The following CDC16 variants were observed in gnomAD, a reference collection of about 807,000 sequenced individuals.
CDC16 encodes the protein cell division cycle 16.
A neutral mutation model predicts 87.0 loss-of-function variants in CDC16; 34 were observed. The ratio of observed to expected loss-of-function variants is 0.39; its 90% CI spans 0.30 to 0.52. The LOEUF is 0.52. CDC16 is among the 20% of genes least tolerant of loss of function. CDC16 has a pLI of 0.74. For synonymous variants in CDC16, 263 were observed against 260.6 expected (o/e 1.01, Z -0.09); for missense variants, 653 against 751.9 (o/e 0.87, Z 1.54).
At chr13:114,246,833 A>G in intron 10 of CDC16, 98 bp from the exon 11 acceptor site, 3 of 772,084 alleles carry the variant, frequency 3.9e-6, no homozygotes, top group Admixed American at 1.9e-5. Flanking sequence ...TGTGATAAGG[A>G]ACATGTAGTA....
chr13:114,251,112 A>G (rs1274552004), intron 12 of CDC16, among the ~76,000 whole-genome samples: 1 of 152,182 alleles, frequency 6.6e-6, no homozygotes, highest in Non-Finnish European at 1.5e-5. Flanking sequence ...TGTTACTTTG[A>G]GGAGTAGAGT....
In CDC16 at chr13:114,239,606, A is replaced by G. The variant is rs554868461; in HGVS notation, c.381+116A>G. 3.9e-5 allele frequency: 49 copies of G among 1,265,140 alleles called. No individual in the cohort carries two copies. In the East Asian group the frequency reaches 1.2e-3, roughly 32 times the overall value. The allele number at this position is 1,265,140 out of a possible 1,614,324, so 78.4% of individuals were successfully genotyped here. On this transcript the variant is annotated intron_variant, in intron 5 of 17. Coordinates refer to ENST00000356221, the MANE Select transcript of CDC16 (RefSeq NM_001078645.3). Reference sequence around the variant, plus strand: ...TATATTAAAACAATTGTGGTTGCCAATTTATTTAATTTGCCCACCAAAACC... The same window carrying G: ...TATATTAAAACAATTGTGGTTGCCAGTTTATTTAATTTGCCCACCAAAACC...
chr13:114,258,879 C>G (rs2082667205), intron 13 of CDC16, among the ~76,000 whole-genome samples: 1 of 152,054 alleles, frequency 6.6e-6, no homozygotes, highest in South Asian at 2.1e-4. Flanking sequence ...GGGCATATTG[C>G]TTGAGGCCAG....
At chr13:114,267,754 A>G (rs2083329534) in intron 17 of CDC16, among the ~76,000 whole-genome samples, 1 of 145,550 alleles carries the variant, frequency 6.9e-6, no homozygotes. Flanking sequence ...AGAGGGCTCA[A>G]CACTGCCTTT....
At chr13:114,272,123 C>G in intron 17 of CDC16, 61 bp from the exon 18 acceptor site, 2 of 952,172 alleles carry the variant, frequency 2.1e-6, no homozygotes, top group Non-Finnish European at 1.6e-6. Context: ...TGTTATATAA[C>G]AATAGAAATG....
At chr13:114,258,267 A>G (rs1425516075) in intron 13 of CDC16, among the ~76,000 whole-genome samples, 10 of 152,204 alleles carry the variant, frequency 6.6e-5, no homozygotes, top group Admixed American at 4.6e-4. Context: ...GTAACCGCCA[A>G]ATCAGTTCCT....
rs769483948 is a variant in CDC16 at position 114,257,096 on chromosome 13, G to A, written c.1116G>A (p.Leu372=). ...TTTTTAGGTGTCATTTGCCTATGCT[G>A]TATATTGGATTAGAATATGGTTTGA... ...QLMKGCHLPM[L]YIGLEYGLTN... The change falls in exon 13 of 18, where the codon CTG becomes CTA. Residue 372 remains leucine (L), a synonymous_variant. Transcript: ENST00000356221. 52 of 1,602,256 alleles carry A rather than the reference G, an allele frequency of 3.2e-5. No individual in the cohort carries two copies. Among genetic ancestry groups the A allele is most frequent in the Admixed American group, 3.0e-4 (18 of 59,204 alleles).
At chr13:114,262,737 T>TAA in intron 15 of CDC16, 142 bp from the exon 16 acceptor site, 1 of 765,286 alleles carries the variant, frequency 1.3e-6, no homozygotes, top group Non-Finnish European at 2.2e-6. Flanking sequence ...TGCATGAGAG[T>TAA]AGGTGTGGAG....
chr13:114,261,452 G>T (rs1364341158), intron 14 of CDC16, among the ~76,000 whole-genome samples: 1 of 152,024 alleles, frequency 6.6e-6, no homozygotes, highest in Non-Finnish European at 1.5e-5. Context: ...GGGGGTGGGG[G>T]TGCCATTCAC....
intron 11 of CDC16, chr13:114,247,268 A>T: frequency 2.5e-6 from 1 of 400,288 alleles, no homozygotes; most frequent in Non-Finnish European, 4.5e-6. Flanking sequence ...AACTCAAATG[A>T]TCCTCTTGCT....
At position 114,236,694 on chromosome 13, in the gene CDC16, C is replaced by G; in HGVS notation, c.98C>G (p.Ser33Cys). Residue 33 changes from serine to cysteine, a missense_variant, in exon 2 of 18, where the codon TCT becomes TGT. Transcript: ENST00000356221. ...TGGGCAGATAAAGTAGCTTCACTCTCTCGTGGTAAGTGACAAAATGCTAAC... is the reference window on the plus strand; with the variant it reads ...TGGGCAGATAAAGTAGCTTCACTCTGTCGTGGTAAGTGACAAAATGCTAAC... ...LFWADKVASL[S>C]REEPQDIYWL... 6.2e-7 allele frequency: 1 copy of G among 1,613,362 alleles called. No individual in the cohort carries two copies. The highest frequency in any genetic ancestry group is 8.5e-7 in the Non-Finnish European group (1 of 1,179,936).
intron 17 of CDC16, among the ~76,000 whole-genome samples, chr13:114,270,867 A>G (rs2083577710): frequency 6.7e-6 from 1 of 149,870 alleles, no homozygotes; most frequent in Non-Finnish European, 1.5e-5. Context: ...TAGAGAGTTG[A>G]TAATGAGTCA....
intron 3 of CDC16, among the ~76,000 whole-genome samples, chr13:114,238,476 A>G (rs1000568434): frequency 6.7e-6 from 1 of 150,340 alleles, no homozygotes; most frequent in Non-Finnish European, 1.5e-5. Flanking sequence ...GACGCCCAGC[A>G]GTTATTCACA....
At chr13:114,252,110 G>A (rs960554549) in intron 12 of CDC16, among the ~76,000 whole-genome samples, 3 of 149,062 alleles carry the variant, frequency 2.0e-5, no homozygotes, top group Non-Finnish European at 3.0e-5. Flanking sequence ...CCCTACACTA[G>A]CCCTGTTGGA....
intron 17 of CDC16, among the ~76,000 whole-genome samples, chr13:114,271,463 C>A (rs570261539): frequency 2.3e-4 from 35 of 151,746 alleles, no homozygotes; most frequent in Middle Eastern, 6.8e-3. Context: ...GTGACTATAC[C>A]CAATGGGCAC....
intron 17 of CDC16, among the ~76,000 whole-genome samples, 190 bp downstream of exon 17, chr13:114,265,430 G>C (rs1024896242): frequency 1.9e-4 from 29 of 152,170 alleles, no homozygotes; most frequent in Middle Eastern, 3.2e-3. Flanking sequence ...GACTCACCAA[G>C]GGTGCGTTCA....
chr13:114,257,299 G>A, intron 13 of CDC16, 69 bp downstream of exon 13: 1 of 871,188 alleles, frequency 1.1e-6, no homozygotes, highest in Non-Finnish European at 1.7e-6. Flanking sequence ...GATCACTAGA[G>A]TTCACTGACA....
chr13:114,258,302 G>C (rs928667425), intron 13 of CDC16, among the ~76,000 whole-genome samples: 3 of 152,246 alleles, frequency 2.0e-5, no homozygotes, highest in African/African-American at 7.2e-5. Context: ...GCCATTGGCA[G>C]ACATGCCCAG....
At chr13:114,266,429 G>C (rs2083215320) in intron 17 of CDC16, among the ~76,000 whole-genome samples, 1 of 152,180 alleles carries the variant, frequency 6.6e-6, no homozygotes, top group South Asian at 2.1e-4. Flanking sequence ...CCATTGTAAA[G>C]TTGGATAAAC....
Sources: gnomAD v4.1 joint callset for allele counts (sites outside exome capture counted in the v4.1 genomes callset) on GRCh38, gnomAD v4.1.1 for gene constraint, MANE v1.5 for transcripts, NCBI Gene and HGNC (gene_info 2026-07-23, HGNC 2026-07-21) for gene names.